Variants in GPBP1 observed in about 807,000 individuals in gnomAD.
GPBP1 encodes GC-rich promoter binding protein 1.
A neutral mutation model predicts 56.5 loss-of-function variants in GPBP1; 13 were observed. That is an observed-to-expected ratio of 0.23 (90% CI 0.15 to 0.37). The LOEUF (loss-of-function observed/expected upper bound fraction) is 0.37, where lower values mean the gene tolerates loss of function less well. Among genes scored for constraint, GPBP1 ranks in the 10% least tolerant of loss-of-function variants. GPBP1 has a pLI of 1.00. For missense variants in GPBP1, 477 were observed against 572.3 expected (o/e 0.83, Z 1.70); for synonymous variants, 204 against 188.9 (o/e 1.08, Z -0.66).
chr5:57,252,950 C>G (rs1417145292), intron 10 of GPBP1, among the ~76,000 whole-genome samples: 2 of 152,084 alleles, frequency 1.3e-5, no homozygotes, highest in Non-Finnish European at 2.9e-5. Context: ...CTCAAGTGAT[C>G]CACCTGCCTC....
At chr5:57,251,317 T>C (rs763217555) in intron 10 of GPBP1, among the ~76,000 whole-genome samples, 176 bp downstream of exon 10, 4 of 152,228 alleles carry the variant, frequency 2.6e-5, no homozygotes, top group Non-Finnish European at 5.9e-5. Flanking sequence ...TTCACTCGCA[T>C]TTACTTTTCA....
rs1467867642 is a variant in GPBP1 at position 57,244,444 on chromosome 5, C to A, written c.479-1856C>A. On this transcript the variant is annotated intron_variant, in intron 6 of 11. Coordinates refer to ENST00000506184, the MANE Select transcript of GPBP1 (RefSeq NM_022913.4). ...TCTCTGTTAGCCATGTTTAAACTTA[C>A]TTAGTTGTAGTATAGTGATAGAACT... Among the ~76,000 whole-genome samples, 4 of 152,312 alleles carry A rather than the reference C, an allele frequency of 2.6e-5. No homozygotes were observed. The East Asian group carries it at 7.7e-4, about 29-fold the overall frequency.
intron 6 of GPBP1, 39 bp from the exon 7 acceptor site, chr5:57,246,261 A>G (rs1741085478): frequency 2.0e-6 from 3 of 1,531,834 alleles, no homozygotes; most frequent in Non-Finnish European, 2.7e-6. Flanking sequence ...CTAAAACTTG[A>G]AATTGTGAGT....
chr5:57,191,257 G>A (rs1468231079), intron 2 of GPBP1, among the ~76,000 whole-genome samples: 2 of 151,986 alleles, frequency 1.3e-5, no homozygotes, highest in Non-Finnish European at 2.9e-5. Flanking sequence ...AGCTAATTCA[G>A]CTAATTTTTG....
At position 57,214,054 on chromosome 5, in the gene GPBP1, C is replaced by G; in HGVS notation, c.-57-20C>G. On this transcript the variant is annotated intron_variant, in intron 2 of 11. Transcript: ENST00000506184. ...TGGCCAGGAGCTGCAGGTCTAATTC[C>G]TTCCATTTTTATGTGACAGGGACTT... is the stretch of plus-strand genomic sequence containing the variant. The G allele has an allele frequency of 8.1e-7, 1 of 1,232,448 alleles. No individual in the cohort carries two copies. The highest frequency in any genetic ancestry group is 1.2e-6 in the Non-Finnish European group (1 of 837,326). 76.3% of individuals were successfully genotyped at this position (1,232,448 alleles called of 1,614,324 possible). A position where few individuals can be genotyped will look rare whatever the true frequency, so the allele number is the denominator to read the frequency against.
At chr5:57,217,014 T>C (rs1755725924) in intron 3 of GPBP1, among the ~76,000 whole-genome samples, 1 of 152,202 alleles carries the variant, frequency 6.6e-6, no homozygotes, top group Non-Finnish European at 1.5e-5. Flanking sequence ...TTTTTACAGG[T>C]ACATTTACAG....
chr5:57,216,228 G>A (rs1476724995), intron 3 of GPBP1, among the ~76,000 whole-genome samples: 1 of 152,190 alleles, frequency 6.6e-6, no homozygotes, highest in Non-Finnish European at 1.5e-5. Context: ...TGGAGAGGGT[G>A]AGAAATGTTG....
At chr5:57,259,882 T>C (rs543823534) in intron 10 of GPBP1, among the ~76,000 whole-genome samples, 1 of 152,316 alleles carries the variant, frequency 6.6e-6, no homozygotes, top group Admixed American at 6.5e-5. Context: ...CTTTATCCCT[T>C]CCAAACAACT....
At chr5:57,251,658 A>G (rs928881723) in intron 10 of GPBP1, among the ~76,000 whole-genome samples, 4 of 150,906 alleles carry the variant, frequency 2.7e-5, no homozygotes, top group Admixed American at 6.6e-5. Flanking sequence ...ACATTCATAT[A>G]TAAGTTCTTG....
At chr5:57,218,030 T>C (rs1755773591) in intron 3 of GPBP1, among the ~76,000 whole-genome samples, 1 of 152,126 alleles carries the variant, frequency 6.6e-6, no homozygotes, top group South Asian at 2.1e-4. Flanking sequence ...CTATAGGTGT[T>C]TTGACTTTTC....
chr5:57,261,965 C>T (rs1402339048), intron 11 of GPBP1, among the ~76,000 whole-genome samples: 1 of 152,070 alleles, frequency 6.6e-6, no homozygotes, highest in Non-Finnish European at 1.5e-5. Context: ...CACTGCATCC[C>T]CAAATTTCTG....
chr5:57,183,080 T>C (rs898042393), intron 2 of GPBP1, among the ~76,000 whole-genome samples: 26 of 152,212 alleles, frequency 1.7e-4, no homozygotes, highest in Admixed American at 5.2e-4. Flanking sequence ...TTAAAACTCT[T>C]AGTTGCCAGG....
chr5:57,250,726 G>A (rs757064440), intron 9 of GPBP1, among the ~76,000 whole-genome samples: 28 of 151,896 alleles, frequency 1.8e-4, no homozygotes, highest in Non-Finnish European at 3.4e-4. Flanking sequence ...TGTATTTTTA[G>A]TAGAGATGGG....
At chr5:57,217,965 G>A (rs1025576499) in intron 3 of GPBP1, among the ~76,000 whole-genome samples, 1 of 151,674 alleles carries the variant, frequency 6.6e-6, no homozygotes, top group African/African-American at 2.4e-5. Context: ...ATTTTTTATA[G>A]TAATTTATAC....
At chr5:57,255,269 C>T (rs904449560) in intron 10 of GPBP1, among the ~76,000 whole-genome samples, 1 of 151,986 alleles carries the variant, frequency 6.6e-6, no homozygotes, top group Non-Finnish European at 1.5e-5. Flanking sequence ...CCTCTTCCCC[C>T]TCTTATTCCA....
chr5:57,197,219 C>T (rs1197594028), intron 2 of GPBP1, among the ~76,000 whole-genome samples: 2 of 152,032 alleles, frequency 1.3e-5, no homozygotes. Flanking sequence ...TAGTAGTTTA[C>T]AGTTACAAGG....
At chr5:57,245,483 C>G (rs1741048226) in intron 6 of GPBP1, 1 of 152,162 alleles carries the variant, frequency 6.6e-6, no homozygotes, top group African/African-American at 2.4e-5. Context: ...TTCACATGAT[C>G]TTATTTAATG....
At chr5:57,219,413 AACAAAC>A (rs375565307) in intron 3 of GPBP1, among the ~76,000 whole-genome samples, 4 of 61,132 alleles carry the variant, frequency 6.5e-5, no homozygotes, top group Non-Finnish European at 1.1e-4. Flanking sequence ...ACCAAAAACA[AACAAAC>A]AAAAAAAAAA....
intron 3 of GPBP1, among the ~76,000 whole-genome samples, chr5:57,217,304 G>T (rs1048148793): frequency 6.6e-6 from 1 of 152,098 alleles, no homozygotes; most frequent in Admixed American, 6.6e-5. Flanking sequence ...TGGGTGCGGT[G>T]GCTCACGCCT....
Sources: gnomAD v4.1 joint callset for allele counts (sites outside exome capture counted in the v4.1 genomes callset) on GRCh38, gnomAD v4.1.1 for gene constraint, MANE v1.5 for transcripts, NCBI Gene and HGNC (gene_info 2026-07-23, HGNC 2026-07-21) for gene names.